Variants in ASIC2 observed in about 807,000 individuals in gnomAD.
ASIC2 encodes the protein acid-sensing ion channel 2.
ASIC2 carries 25 observed loss-of-function variants against 57.3 expected under a neutral mutation model. That is an observed-to-expected ratio of 0.44 (90% CI 0.32 to 0.61). The LOEUF (loss-of-function observed/expected upper bound fraction) is 0.61. ASIC2 is among the 20% of genes least tolerant of loss of function. The pLI, the probability that ASIC2 is intolerant of heterozygous loss-of-function variation, is 0.06. For missense variants in ASIC2, 641 were observed against 738.1 expected (o/e 0.87, Z 1.52); for synonymous variants, 319 against 307.5 (o/e 1.04, Z -0.39).
chr17:33,345,135 C>A (rs1249970083), intron 1 of ASIC2, among the ~76,000 whole-genome samples: 1 of 152,152 alleles, frequency 6.6e-6, no homozygotes, highest in African/African-American at 2.4e-5. Flanking sequence ...TAGTAAGTGT[C>A]CATTTGCATT....
intron 1 of ASIC2, chr17:33,936,483 A>T (rs145658845): frequency 6.6e-6 from 1 of 152,366 alleles, no homozygotes; most frequent in Admixed American, 6.5e-5. Context: ...GAAGAGCCCA[A>T]GAGAAAGCTT....
chr17:33,019,987 G>A (rs2091828451), intron 7 of ASIC2, among the ~76,000 whole-genome samples: 1 of 152,168 alleles, frequency 6.6e-6, no homozygotes, highest in Non-Finnish European at 1.5e-5. Flanking sequence ...CAGCATAGGG[G>A]TGAGTGAGGG....
chr17:33,913,039 TCTAC>T (rs1426024837), intron 1 of ASIC2, among the ~76,000 whole-genome samples: 4 of 152,092 alleles, frequency 2.6e-5, no homozygotes, highest in Non-Finnish European at 5.9e-5. Context: ...TTCTAATTGC[TCTAC>T]CTTTTTGAGC....
chr17:34,045,670 G>A (rs1190883928), intron 1 of ASIC2, among the ~76,000 whole-genome samples: 1 of 152,178 alleles, frequency 6.6e-6, no homozygotes, highest in Non-Finnish European at 1.5e-5. Context: ...TTCAGAAGAG[G>A]TGAGGCCTTA....
chr17:33,019,237 G>C (rs940628583), intron 7 of ASIC2, among the ~76,000 whole-genome samples: 21 of 152,060 alleles, frequency 1.4e-4, no homozygotes, highest in African/African-American at 4.6e-4. Flanking sequence ...CAGGAGGTCT[G>C]GCTGTCTATG....
chr17:33,678,652 C>T (rs1357530086), intron 1 of ASIC2, among the ~76,000 whole-genome samples: 2 of 152,114 alleles, frequency 1.3e-5, no homozygotes, highest in African/African-American at 2.4e-5. Flanking sequence ...ACTTTTAAAT[C>T]AGGATTGCCC....
chr17:33,579,341 C>G lies in ASIC2; in HGVS notation c.556-467274G>C, dbSNP rs1232815721. Among the ~76,000 whole-genome samples the G allele has an allele frequency of 2.7e-5, 4 of 150,276 alleles. No individual in the cohort carries two copies. The East Asian group carries it at 7.8e-4, about 29-fold the overall frequency. On this transcript the variant is annotated intron_variant, in intron 1 of 9. Transcript: ENST00000359872. ...GACTCAGATGTTGGCTCAGGGCACA[C>G]TGGAACACGATGTGGCTTGGTATGT...
At chr17:33,963,118 T>G (rs566345366) in intron 1 of ASIC2, among the ~76,000 whole-genome samples, 1 of 152,302 alleles carries the variant, frequency 6.6e-6, no homozygotes, top group Admixed American at 6.5e-5. Context: ...CAGCACCCAC[T>G]TGCCCCAGGG....
At chr17:33,320,116 G>C (rs574702053) in intron 1 of ASIC2, among the ~76,000 whole-genome samples, 2 of 152,278 alleles carry the variant, frequency 1.3e-5, no homozygotes, top group African/African-American at 2.4e-5. Flanking sequence ...AGCCTCAGCA[G>C]CATCTGACAC....
intron 1 of ASIC2, among the ~76,000 whole-genome samples, chr17:33,165,989 C>T (rs1360280611): frequency 6.6e-6 from 1 of 152,144 alleles, no homozygotes; most frequent in African/African-American, 2.4e-5. Context: ...ACTTACACCA[C>T]AATTTGGTGA....
At chr17:33,943,256 A>G (rs1247469814) in intron 1 of ASIC2, among the ~76,000 whole-genome samples, 2 of 152,228 alleles carry the variant, frequency 1.3e-5, no homozygotes, top group Non-Finnish European at 2.9e-5. Context: ...AGCGCAGGGA[A>G]GAAGGTTGAT....
At chr17:33,078,321 T>G (rs2092098016) in intron 3 of ASIC2, among the ~76,000 whole-genome samples, 1 of 152,240 alleles carries the variant, frequency 6.6e-6, no homozygotes, top group Non-Finnish European at 1.5e-5. Flanking sequence ...GGACCCAGGC[T>G]GGGGCTGCCA....
Position 33,292,694 on chromosome 17 carries a change from G to A in ASIC2, c.-579C>T, listed in dbSNP as rs529639094. 1 of 985,578 alleles carries A rather than the reference G, an allele frequency of 1.0e-6. No individual in the cohort carries two copies. Among genetic ancestry groups the A allele is most frequent in the East Asian group, 1.1e-4 (1 of 8,790 alleles). 61.1% of individuals were successfully genotyped at this position (985,578 alleles called of 1,614,324 possible). On this transcript the variant is annotated 5_prime_UTR_variant, in exon 1 of 10. Transcript: ENST00000225823. Reference sequence around the variant, plus strand: ...CGAGCGCCCCCAGAGGCGCACCGCGGCTCCTGGCTGGGCGGGCGGGGTGGG... The same window carrying A: ...CGAGCGCCCCCAGAGGCGCACCGCGACTCCTGGCTGGGCGGGCGGGGTGGG...
intron 1 of ASIC2, among the ~76,000 whole-genome samples, chr17:34,079,264 C>A (rs1909790973): frequency 6.6e-6 from 1 of 152,210 alleles, no homozygotes; most frequent in South Asian, 2.1e-4. Flanking sequence ...CCTCTCTGGC[C>A]ACTGCCCACT....
intron 1 of ASIC2, among the ~76,000 whole-genome samples, chr17:33,878,605 T>C (rs1428946579): frequency 6.6e-6 from 1 of 152,190 alleles, no homozygotes; most frequent in African/African-American, 2.4e-5. Flanking sequence ...TATGGCACTA[T>C]GTGAAAAGAC....
intron 1 of ASIC2, among the ~76,000 whole-genome samples, chr17:33,906,730 C>G (rs147667012): frequency 6.6e-6 from 1 of 152,238 alleles, no homozygotes; most frequent in Non-Finnish European, 1.5e-5. Flanking sequence ...CTACATTTCT[C>G]TAGGTCTTTG....
chr17:33,027,661 C>A (rs930838897), intron 4 of ASIC2, among the ~76,000 whole-genome samples: 3 of 151,952 alleles, frequency 2.0e-5, no homozygotes, highest in African/African-American at 7.3e-5. Context: ...AAACCAAGGC[C>A]CCACTCATGT....
chr17:33,035,004 C>A (rs772356371), intron 3 of ASIC2, among the ~76,000 whole-genome samples: 1 of 152,224 alleles, frequency 6.6e-6, no homozygotes, highest in South Asian at 2.1e-4. Flanking sequence ...GCGTTCTATT[C>A]CCTTCCATTA....
chr17:33,114,310 G>A (rs901924166), intron 1 of ASIC2, among the ~76,000 whole-genome samples: 5 of 152,166 alleles, frequency 3.3e-5, no homozygotes, highest in African/African-American at 9.7e-5. Flanking sequence ...CCATGGAGAC[G>A]TGTTCTTGGG....
Sources: allele counts gnomAD v4.1 joint callset (sites outside exome capture counted in the v4.1 genomes callset), GRCh38; gene constraint gnomAD v4.1.1; transcripts MANE v1.5; gene names NCBI Gene and HGNC (gene_info 2026-07-23, HGNC 2026-07-21).